The following KDM4B variants were observed in gnomAD, a reference collection of about 807,000 sequenced individuals.
KDM4B encodes the protein lysine demethylase 4B.
In KDM4B, 32 loss-of-function variants were observed where a neutral mutation model predicts 125.2. That is an observed-to-expected ratio of 0.26 (90% confidence interval 0.19 to 0.34). The LOEUF (loss-of-function observed/expected upper bound fraction) is 0.34, where lower values mean the gene tolerates loss of function less well. Ranked by LOEUF, KDM4B falls within the 10% of genes least tolerant of loss-of-function variation. The pLI is 1.00. For synonymous variants in KDM4B, 721 were observed against 677.9 expected, an observed-to-expected ratio of 1.06 and a Z score of -0.99; for missense variants, 1,190 against 1,577.7, an observed-to-expected ratio of 0.75 and a Z score of 4.16.
chr19:4,991,753 C>CAG (rs1212584485), intron 1 of KDM4B, among the ~76,000 whole-genome samples: 6 of 152,064 alleles, frequency 3.9e-5, no homozygotes, highest in Non-Finnish European at 8.8e-5. Context: ...GAACGCTCTG[C>CAG]TTCTCCCTTC....
intron 3 of KDM4B, among the ~76,000 whole-genome samples, chr19:5,037,540 G>A (rs573671573): frequency 1.1e-4 from 16 of 152,302 alleles, no homozygotes; most frequent in African/African-American, 3.8e-4. Context: ...TGGCCATAGT[G>A]GACATGGAGA....
chr19:5,019,258 GTGT>G (rs1174593112), intron 2 of KDM4B, among the ~76,000 whole-genome samples: 13 of 149,920 alleles, frequency 8.7e-5, no homozygotes, highest in East Asian at 7.9e-4. Context: ...TGGTGTGCAG[GTGT>G]TGGTGTGGAT....
chr19:5,091,553 G>A (rs993005497), intron 9 of KDM4B, among the ~76,000 whole-genome samples: 12 of 152,288 alleles, frequency 7.9e-5, no homozygotes, highest in East Asian at 1.9e-4. Flanking sequence ...TGGGGGCTCC[G>A]GCAGGAACCA....
rs988098120 is a variant in KDM4B, at chr19:5,114,079, C to T, written c.1115+3261C>T. The T allele has an allele frequency of 1.6e-5, 20 of 1,289,258 alleles. No individual in the cohort carries two copies. The East Asian group carries it at 8.9e-4, about 57-fold the overall frequency. 79.9% of individuals were successfully genotyped at this position (1,289,258 alleles called of 1,614,324 possible). On this transcript the variant is annotated intron_variant, in intron 10 of 22. Transcript: ENST00000159111. This position sits in a 1 kb window ranked among gnomAD's most constrained non-coding sequence, Gnocchi z 5.8. Reference sequence around the variant, plus strand: ...CAGCCTGGCTCCTGGCGGGTGCCCTCAGCCTCCCCACTCCCGGTGGCGCTG... The same window carrying T: ...CAGCCTGGCTCCTGGCGGGTGCCCTTAGCCTCCCCACTCCCGGTGGCGCTG...
At chr19:5,098,228 C>T (rs1413464459) in intron 9 of KDM4B, among the ~76,000 whole-genome samples, 1 of 152,176 alleles carries the variant, frequency 6.6e-6, no homozygotes, top group Non-Finnish European at 1.5e-5. Flanking sequence ...GAGCGGATTT[C>T]TTTTGCAATA....
chr19:4,971,699 T>A lies in KDM4B; in HGVS notation c.-109+2469T>A, dbSNP rs557333812. 1.3e-5 allele frequency among the ~76,000 whole-genome samples: 2 copies of A among 152,140 alleles called. No individual in the cohort carries two copies. Among genetic ancestry groups the A allele is most frequent in the East Asian group, 3.9e-4 (2 of 5,160 alleles). ...GCCCAGGGCCTGGTCACAGCTGGAA[T>A]GGTGGTGTGCAGTCCGCTGCCCTCG... On this transcript the variant is annotated intron_variant, in intron 1 of 22. Transcript: ENST00000159111. The surrounding 1 kb of genome is among the most constrained non-coding windows in gnomAD (Gnocchi z 4.1).
intron 1 of KDM4B, among the ~76,000 whole-genome samples, chr19:4,999,820 T>TCCACCCACCCACCGAC: frequency 8.7e-6 from 1 of 114,682 alleles, no homozygotes; most frequent in African/African-American, 3.5e-5. Flanking sequence ...TATCCACCCG[T>TCCACCCACCCACCGAC]CCACCCACCC....
In KDM4B at chr19:5,114,191, C is replaced by G. The variant is rs913869395; in HGVS notation, c.1115+3373C>G. On this transcript the variant is annotated intron_variant, in intron 10 of 22. Coordinates refer to ENST00000159111, the MANE Select transcript of KDM4B (RefSeq NM_015015.3). This position sits in a 1 kb window ranked among gnomAD's most constrained non-coding sequence, Gnocchi z 5.8. ...CTCCTCCATGCAAACTCTTTCCACGCGAGAAGCGCCATGTGCACGTGCTCC... is the reference window on the plus strand; with the variant it reads ...CTCCTCCATGCAAACTCTTTCCACGGGAGAAGCGCCATGTGCACGTGCTCC... The G allele has an allele frequency of 3.1e-6, 4 of 1,289,634 alleles. No homozygotes were observed. The Admixed American group carries it at 9.2e-5, about 30-fold the overall frequency. The allele number at this position is 1,289,634 out of a possible 1,614,324, so 79.9% of individuals were successfully genotyped here.
chr19:4,989,632 T>A (rs950944558), intron 1 of KDM4B, among the ~76,000 whole-genome samples: 3 of 151,916 alleles, frequency 2.0e-5, no homozygotes, highest in African/African-American at 7.3e-5. Flanking sequence ...TGAGCCACCA[T>A]GCCCAGTCTT....
intron 11 of KDM4B, among the ~76,000 whole-genome samples, chr19:5,120,972 C>T (rs1337198728): frequency 2.0e-5 from 3 of 152,184 alleles, no homozygotes; most frequent in Admixed American, 6.5e-5. Flanking sequence ...TGTCAGGTCT[C>T]CAGGACGCGC....
At chr19:4,982,404 A>G (rs1443078254) in intron 1 of KDM4B, among the ~76,000 whole-genome samples, 2 of 144,784 alleles carry the variant, frequency 1.4e-5, no homozygotes, top group African/African-American at 5.2e-5. Flanking sequence ...GTGAGCCAAG[A>G]TCGCACCACT....
chr19:5,059,084 C>A (rs116963956), intron 6 of KDM4B, among the ~76,000 whole-genome samples: 207 of 152,292 alleles, frequency 1.4e-3, no homozygotes, highest in Non-Finnish European at 2.4e-3. Context: ...CAGAGTCGCC[C>A]GCCCACCCAG....
rs186073753 is a variant in KDM4B at position 5,082,228 on chromosome 19, C to T, written c.781-139C>T. 2.0e-5 allele frequency: 19 copies of T among 960,974 alleles called. No individual in the cohort carries two copies. Among genetic ancestry groups the T allele is most frequent in the East Asian group, 1.4e-4 (5 of 36,604 alleles). The allele number at this position is 960,974 out of a possible 1,614,324, so 59.5% of individuals were successfully genotyped here. On this transcript the variant is annotated intron_variant, in intron 8 of 22. Transcript: ENST00000159111. The surrounding 1 kb of genome is among the most constrained non-coding windows in gnomAD (Gnocchi z 5.4). ...GCTGGAGCCCTGGAGCCCCTGGAGC[C>T]GCTGGATCACCTTTGACTTTGTGAA...
At chr19:5,108,841 C>T (rs189470281) in intron 9 of KDM4B, among the ~76,000 whole-genome samples, 2 of 152,246 alleles carry the variant, frequency 1.3e-5, no homozygotes, top group Admixed American at 6.5e-5. Flanking sequence ...GTCTGGCACG[C>T]GGTCCCTGGG....
Position 5,119,688 on chromosome 19 carries a change from A to C in KDM4B, c.1151A>C (p.Lys384Thr), listed in dbSNP as rs908607176. The C allele has an allele frequency of 1.3e-6, 2 of 1,556,132 alleles. No individual in the cohort carries two copies. Among genetic ancestry groups the C allele is most frequent in the Admixed American group, 1.9e-5 (1 of 52,218 alleles). Reference sequence around the variant, plus strand: ...AAACGGAGCCAGCCCAAGAAGCCGAAGCCCGAAGACCCCAAGTTCCCTGGG... The same window carrying C: ...AAACGGAGCCAGCCCAAGAAGCCGACGCCCGAAGACCCCAAGTTCCCTGGG... Reference protein sequence around the residue: ...HRKRSQPKKPKPEDPKFPGEG... With the variant: ...HRKRSQPKKPTPEDPKFPGEG... Residue 384 changes from lysine to threonine, a missense_variant, in exon 11 of 23, where the codon AAG becomes ACG. By Grantham distance (78) the Lys-to-Thr change is moderately conservative. Transcript: ENST00000159111.
intron 9 of KDM4B, among the ~76,000 whole-genome samples, chr19:5,094,471 A>G (rs1239370945): frequency 6.6e-6 from 1 of 152,198 alleles, no homozygotes. Context: ...GAGAGGGGCC[A>G]CTGGCTGGAG....
In KDM4B at chr19:5,034,896, G is replaced by C. The variant is rs572963913; in HGVS notation, c.141+1865G>C. Among the ~76,000 whole-genome samples the C allele has an allele frequency of 2.0e-5, 3 of 152,286 alleles. No homozygotes were observed. In the South Asian group the frequency reaches 6.2e-4, roughly 32 times the overall value. Reference sequence around the variant, plus strand: ...TGCTGGGGTGCAGTGCTGCGATCACGGCTCACTGCAGCCTTGACCTCCTGG... The same window carrying C: ...TGCTGGGGTGCAGTGCTGCGATCACCGCTCACTGCAGCCTTGACCTCCTGG... On this transcript the variant is annotated intron_variant, in intron 3 of 22. Coordinates refer to ENST00000159111, the MANE Select transcript of KDM4B (RefSeq NM_015015.3).
intron 2 of KDM4B, among the ~76,000 whole-genome samples, chr19:5,028,720 C>T (rs930037297): frequency 5.9e-5 from 9 of 152,204 alleles, no homozygotes; most frequent in Admixed American, 5.9e-4. Context: ...CCAATTTCTC[C>T]ACATCCCTGC....
intron 6 of KDM4B, among the ~76,000 whole-genome samples, chr19:5,049,894 C>G (rs1401041118): frequency 1.3e-5 from 2 of 152,100 alleles, no homozygotes; most frequent in African/African-American, 4.8e-5. Context: ...CCAGGCTGCC[C>G]TCCCAACTTG....
Sources: allele counts gnomAD v4.1 joint callset (sites outside exome capture counted in the v4.1 genomes callset), GRCh38; gene constraint gnomAD v4.1.1; non-coding constraint Gnocchi (gnomAD v3.1); transcripts MANE v1.5; gene names NCBI Gene and HGNC (gene_info 2026-07-23, HGNC 2026-07-21).